PYCR3: variants seen among roughly 807,000 people sequenced by gnomAD.
PYCR3 encodes P5C reductase 3.
PYCR3 carries 26 observed loss-of-function variants against 23.4 expected under a neutral mutation model. That is an observed-to-expected ratio of 1.11 (90% CI 0.81 to 1.54). The LOEUF (loss-of-function observed/expected upper bound fraction) is 1.54. Ranked by LOEUF, PYCR3 falls within the 40% of genes most tolerant of loss-of-function variation. The probability of loss-of-function intolerance (pLI) is 0.00; values close to 1 mark genes in which losing one functional copy is unlikely to be tolerated. For synonymous variants in PYCR3, 194 were observed against 162.6 expected (o/e 1.19, Z -1.47); for missense variants, 360 against 376.3 (o/e 0.96, Z 0.36).
Position 143,606,958 on chromosome 8 carries a change from C to T in PYCR3, c.331G>A (p.Glu111Lys), listed in dbSNP as rs763623556. The T allele has an allele frequency of 6.2e-7, 1 of 1,601,052 alleles. No homozygotes were observed. The highest frequency in any genetic ancestry group is 8.5e-7 in the Non-Finnish European group (1 of 1,171,140). ...TTAGCCCAAGGGACACTCACCTCCT[C>T]CAGGGTGCTCAGAGACACCCCAGCA... ...VAAGVSLSTL[E>K]ELLPPNTRVL... Residue 111 changes from glutamate (E) to lysine (K), a missense_variant, in exon 3 of 6, where the codon GAG becomes AAG. Transcript: ENST00000495276.
intron 1 of PYCR3, 128 bp downstream of exon 1, chr8:143,609,330 C>T: frequency 9.0e-7 from 1 of 1,116,646 alleles, no homozygotes; most frequent in Non-Finnish European, 1.2e-6. Context: ...GGCGTGGCCC[C>T]GGCTGCGCCC....
At position 143,605,144 on chromosome 8, in the gene PYCR3, C is replaced by T. The variant is rs1422396365; in HGVS notation, c.*556G>A. ...CTTCTCCAGGCTGCAGGGCAGGCTCCAGCTCCCCATGGGGGCCCCATCAGG... is the reference window on the plus strand; with the variant it reads ...CTTCTCCAGGCTGCAGGGCAGGCTCTAGCTCCCCATGGGGGCCCCATCAGG... On this transcript the variant is annotated 3_prime_UTR_variant, in exon 6 of 6. Transcript: ENST00000495276. 1 of 352,388 alleles carries T rather than the reference C, an allele frequency of 2.8e-6. No homozygotes were observed. Among genetic ancestry groups the T allele is most frequent in the African/African-American group, 2.2e-5 (1 of 46,422 alleles). The allele number at this position is 352,388 out of a possible 1,614,324, so 21.8% of individuals were successfully genotyped here.
intron 1 of PYCR3, chr8:143,608,623 A>G: frequency 3.1e-6 from 1 of 325,582 alleles, no homozygotes; most frequent in South Asian, 2.3e-5. Flanking sequence ...TACGGGGTGG[A>G]AAGATTGGGT....
At chr8:143,607,978 G>T in intron 2 of PYCR3, 84 bp downstream of exon 2, 1 of 1,042,874 alleles carries the variant, frequency 9.6e-7, no homozygotes, top group Non-Finnish European at 1.5e-6. Context: ...CCCATCCCTG[G>T]CTCTGATAAG....
At chr8:143,607,441 TAC>T (rs538509727) in intron 2 of PYCR3, among the ~76,000 whole-genome samples, 1 of 151,876 alleles carries the variant, frequency 6.6e-6, no homozygotes, top group Non-Finnish European at 1.5e-5. Flanking sequence ...TGCATTCATA[TAC>T]ACACACGCAG....
At chr8:143,606,927 A>C (rs746967775) in intron 3 of PYCR3, 26 bp downstream of exon 3, 16 of 1,567,660 alleles carry the variant, frequency 1.0e-5, no homozygotes, top group African/African-American at 1.4e-5. Flanking sequence ...TACTGGGACC[A>C]AGGCCTTAGC....
At position 143,605,745 on chromosome 8, in the gene PYCR3, G is replaced by A. The variant is rs377538024; in HGVS notation, c.780C>T (p.Ala260=). 32 of 1,608,598 alleles carry A rather than the reference G, an allele frequency of 2.0e-5. No homozygotes were observed. The highest frequency in any genetic ancestry group is 1.3e-4 in the African/African-American group (10 of 74,848). Residue 260 remains alanine (A), a synonymous_variant, in exon 6 of 6, where the codon GCC becomes GCT. Transcript: ENST00000495276. ...TGGCCCGGCAGGTGGCAGCCTCCAC[G>A]GCGCTCATGGTGGCTGCTCGCAGCC... ...QGGLRAATMS[A]VEAATCRAKE... is the part of the protein sequence containing the mutation.
chr8:143,608,284 C>T, intron 1 of PYCR3, 158 bp from the exon 2 acceptor site: 3 of 611,048 alleles, frequency 4.9e-6, no homozygotes, highest in Non-Finnish European at 8.7e-6. Flanking sequence ...GCACCATTCA[C>T]TGGGCCCAGG....
At position 143,605,530 on chromosome 8, in the gene PYCR3, T is replaced by A; in HGVS notation, c.*170A>T. The A allele has an allele frequency of 1.6e-6, 1 of 644,702 alleles. No homozygotes were observed. The highest frequency in any genetic ancestry group is 2.1e-5 in the South Asian group (1 of 47,720). 39.9% of individuals were successfully genotyped at this position (644,702 alleles called of 1,614,324 possible). On this transcript the variant is annotated 3_prime_UTR_variant, in exon 6 of 6. Coordinates refer to ENST00000495276, the MANE Select transcript of PYCR3 (RefSeq NM_023078.6). ...GAGGAGTGTCCCCACTGGTCGGGGC[T>A]CCCCCGCCTGCTGGAACCTCCCAAG...
At chr8:143,609,005 G>A in intron 1 of PYCR3, 1 of 425,936 alleles carries the variant, frequency 2.3e-6, no homozygotes, top group Non-Finnish European at 4.8e-6. Flanking sequence ...CTCAACAGGG[G>A]ATGATTTTGC....
chr8:143,605,691 G>A lies in PYCR3; in HGVS notation c.*9C>T. On this transcript the variant is annotated 3_prime_UTR_variant, in exon 6 of 6. Coordinates refer to ENST00000495276, the MANE Select transcript of PYCR3 (RefSeq NM_023078.6). ...GCACAGAGGCAGGAAAGGATGGCCA[G>A]AGCCCAGCCTACTTTCTGCTGAGCT... 1 of 1,585,386 alleles carries A rather than the reference G, an allele frequency of 6.3e-7. No individual in the cohort carries two copies.
At position 143,608,061 on chromosome 8, in the gene PYCR3, C is replaced by T; in HGVS notation, c.156+1G>A. 2 of 1,612,434 alleles carry T rather than the reference C, an allele frequency of 1.2e-6. No individual in the cohort carries two copies. The highest frequency in any genetic ancestry group is 1.7e-6 in the Non-Finnish European group (2 of 1,178,526). ...ATGAAGAACCTGGGCTCTATGCTCA[C>T]TTGAAAGTGACATAGGTTCCTGTCT... On this transcript the variant is annotated splice_donor_variant, in intron 2 of 5. Transcript: ENST00000495276. LOFTEE classifies it high-confidence loss of function.
chr8:143,606,055 C>T lies in PYCR3; in HGVS notation c.642+7G>A. 1 of 1,605,118 alleles carries T rather than the reference C, an allele frequency of 6.2e-7. No homozygotes were observed. ...CCCGATGTTCCCCAGGGGCCACCCT[C>T]ACTCACCAGCAGGGTCTGGGCAGCG... On this transcript the variant is annotated splice_region_variant and intron_variant, in intron 5 of 5. Transcript: ENST00000495276.
rs1370142430 is a variant in PYCR3 at position 143,605,445 on chromosome 8, T to G, written c.*255A>C. On this transcript the variant is annotated 3_prime_UTR_variant, in exon 6 of 6. Coordinates refer to ENST00000495276, the MANE Select transcript of PYCR3 (RefSeq NM_023078.6). ...CCTCAGAACCAATGTTGCAGCAAGGTGGGCTCACTGCAGCAAGGGGCAGAG... is the reference window on the plus strand; with the variant it reads ...CCTCAGAACCAATGTTGCAGCAAGGGGGGCTCACTGCAGCAAGGGGCAGAG... The G allele has an allele frequency of 1.9e-6, 1 of 518,726 alleles. No homozygotes were observed. The highest frequency in any genetic ancestry group is 1.9e-5 in the African/African-American group (1 of 52,694). The allele number at this position is 518,726 out of a possible 1,614,324, so 32.1% of individuals were successfully genotyped here.
At chr8:143,606,370 T>A (rs1829398135) in intron 4 of PYCR3, 97 bp downstream of exon 4, 1 of 1,379,862 alleles carries the variant, frequency 7.2e-7, no homozygotes, top group Non-Finnish European at 1.0e-6. Flanking sequence ...CACGCAGGCC[T>A]CAAGGTTGGA....
rs1389105540 is a variant in PYCR3, at chr8:143,609,446, G to C, written c.91+12C>G. On this transcript the variant is annotated intron_variant, in intron 1 of 5. Coordinates refer to ENST00000495276, the MANE Select transcript of PYCR3 (RefSeq NM_023078.6). ...CACTCCAGACCGCAGGCCTAGCCCC[G>C]CGCCGCCCCACCTGCTCTGATGAGG... 6.7e-7 allele frequency: 1 copy of C among 1,493,880 alleles called. No individual in the cohort carries two copies. Among genetic ancestry groups the C allele is most frequent in the Admixed American group, 2.2e-5 (1 of 44,706 alleles). The allele number at this position is 1,493,880 out of a possible 1,614,324, so 92.5% of individuals were successfully genotyped here.
At position 143,605,748 on chromosome 8, in the gene PYCR3, G is replaced by A. The variant is rs371501085; in HGVS notation, c.777C>T (p.Ser259=). The A allele has an allele frequency of 2.1e-5, 33 of 1,609,568 alleles. No homozygotes were observed. Among genetic ancestry groups the A allele is most frequent in the South Asian group, 4.4e-5 (4 of 90,982 alleles). The change falls in exon 6 of 6, where the codon AGC becomes AGT. Residue 259 remains serine (S), a synonymous_variant. Coordinates refer to ENST00000495276, the MANE Select transcript of PYCR3 (RefSeq NM_023078.6). ...EQGGLRAATM[S]AVEAATCRAK... is the part of the protein sequence containing the mutation. ...CCCGGCAGGTGGCAGCCTCCACGGCGCTCATGGTGGCTGCTCGCAGCCCGC... is the reference window on the plus strand; with the variant it reads ...CCCGGCAGGTGGCAGCCTCCACGGCACTCATGGTGGCTGCTCGCAGCCCGC...
chr8:143,603,451 C>G lies in PYCR3; in HGVS notation c.*2249G>C, dbSNP rs1015466169. On this transcript the variant is annotated 3_prime_UTR_variant, in exon 6 of 6. Transcript: ENST00000495276. The stretch of plus-strand genomic sequence containing the variant: ...TCCCTGCCGTGCCGAGAACTGAGCC[C>G]GTGTCTTTGTCACAGGCCCTCACCA... Among the ~76,000 whole-genome samples, 1 of 152,200 alleles carries G rather than the reference C, an allele frequency of 6.6e-6. No homozygotes were observed. Among genetic ancestry groups the G allele is most frequent in the Non-Finnish European group, 1.5e-5 (1 of 68,042 alleles).
chr8:143,607,450 G>A (rs969212662), intron 2 of PYCR3, among the ~76,000 whole-genome samples: 1 of 151,852 alleles, frequency 6.6e-6, no homozygotes, highest in East Asian at 1.9e-4. Context: ...ATACACACAC[G>A]CAGACACATG....
Sources: gnomAD v4.1 joint callset for allele counts (sites outside exome capture counted in the v4.1 genomes callset) on GRCh38, gnomAD v4.1.1 for gene constraint, MANE v1.5 for transcripts, NCBI Gene and HGNC (gene_info 2026-07-23, HGNC 2026-07-21) for gene names.